KANK1: variants seen among roughly 807,000 people sequenced by gnomAD.
KANK1 encodes the protein KN motif and ankyrin repeat domains 1.
KANK1 carries 109 observed loss-of-function variants against 106.2 expected under a neutral mutation model. The ratio of observed to expected loss-of-function variants is 1.03; its 90% CI spans 0.88 to 1.20. The LOEUF is 1.20. Ranked by LOEUF, KANK1 falls within the 50% of genes most tolerant of loss-of-function variation. The probability of loss-of-function intolerance (pLI) is 0.00; values close to 1 mark genes in which losing one functional copy is unlikely to be tolerated. For synonymous variants in KANK1, 873 were observed against 652.2 expected (o/e 1.34, Z -5.16); for missense variants, 2,399 against 1,710.7 (o/e 1.40, Z -7.10).
chr9:590,681 A>G (rs1231581777), intron 1 of KANK1, among the ~76,000 whole-genome samples: 1 of 149,334 alleles, frequency 6.7e-6, no homozygotes, highest in East Asian at 1.9e-4. Context: ...AGATTCTTAA[A>G]TACAGAAATG....
chr9:529,704 A>G (rs1197514739), intron 1 of KANK1, among the ~76,000 whole-genome samples: 1 of 152,170 alleles, frequency 6.6e-6, no homozygotes, highest in Non-Finnish European at 1.5e-5. Flanking sequence ...ATTTTGTTTA[A>G]TCAGTTTCCT....
At chr9:558,384 A>G (rs1312604924) in intron 1 of KANK1, among the ~76,000 whole-genome samples, 2 of 152,246 alleles carry the variant, frequency 1.3e-5, no homozygotes, top group African/African-American at 2.4e-5. Flanking sequence ...GGGGAACAAT[A>G]CAGAGTTAGA....
At chr9:525,604 C>G (rs1465672435) in intron 1 of KANK1, among the ~76,000 whole-genome samples, 1 of 151,638 alleles carries the variant, frequency 6.6e-6, no homozygotes, top group Non-Finnish European at 1.5e-5. Flanking sequence ...TGGTCTCGAA[C>G]TCGTGGCCTC....
At chr9:626,242 T>A (rs1471151554) in intron 1 of KANK1, among the ~76,000 whole-genome samples, 1 of 152,054 alleles carries the variant, frequency 6.6e-6, no homozygotes, top group Non-Finnish European at 1.5e-5. Flanking sequence ...GGCAGGCAGA[T>A]CATCTGAGGT....
At chr9:605,300 CAAAAAA>C (rs34315668) in intron 1 of KANK1, among the ~76,000 whole-genome samples, 1 of 106,822 alleles carries the variant, frequency 9.4e-6, no homozygotes, top group Non-Finnish European at 1.8e-5. Context: ...GACTCCGTCT[CAAAAAA>C]AAAAAAAAAA....
chr9:713,457 A>G lies in KANK1; in HGVS notation c.2691A>G (p.Lys897=). 1 of 1,587,310 alleles carries G rather than the reference A, an allele frequency of 6.3e-7. No homozygotes were observed. The highest frequency in any genetic ancestry group is 8.6e-7 in the Non-Finnish European group (1 of 1,168,348). Residue 897 remains lysine, a synonymous_variant, in exon 3 of 12, where the codon AAA becomes AAG. Coordinates refer to ENST00000382297, the MANE Select transcript of KANK1 (RefSeq NM_015158.5). ...NPDFQKTSLG[K]ITGNYLGYTC... is the part of the protein sequence containing the mutation. ...ACTTCCAGAAAACCAGTCTGGGTAA[A>G]ATCACAGGTAGGTGGTACCCTGAGG... is the stretch of plus-strand genomic sequence containing the variant.
At chr9:567,824 T>C (rs1243286217) in intron 1 of KANK1, among the ~76,000 whole-genome samples, 1 of 152,192 alleles carries the variant, frequency 6.6e-6, no homozygotes. Context: ...AGTCTCTCAT[T>C]TGAGTACGTT....
intron 1 of KANK1, among the ~76,000 whole-genome samples, chr9:581,876 G>A (rs1051090773): frequency 6.6e-6 from 1 of 152,040 alleles, no homozygotes; most frequent in African/African-American, 2.4e-5. Flanking sequence ...CACACCTCAG[G>A]GTGCAGCCAG....
chr9:515,476 T>A (rs1301234832), intron 1 of KANK1, among the ~76,000 whole-genome samples: 2 of 151,838 alleles, frequency 1.3e-5, no homozygotes, highest in Non-Finnish European at 2.9e-5. Context: ...TTATGAGAGA[T>A]GTATTTCAAG....
chr9:668,468 T>G (rs766395404), intron 1 of KANK1, among the ~76,000 whole-genome samples: 6 of 152,202 alleles, frequency 3.9e-5, no homozygotes, highest in Non-Finnish European at 8.8e-5. Context: ...TAATGTCTCT[T>G]TGTTAAATTT....
At chr9:521,565 C>CTTTTTT (rs35143391) in intron 1 of KANK1, among the ~76,000 whole-genome samples, 1 of 118,798 alleles carries the variant, frequency 8.4e-6, no homozygotes, top group African/African-American at 3.2e-5. Flanking sequence ...CCTCCAGATT[C>CTTTTTT]TTTTTTTTTT....
chr9:642,050 A>G (rs1394748890), intron 1 of KANK1, among the ~76,000 whole-genome samples: 3 of 152,198 alleles, frequency 2.0e-5, no homozygotes, highest in Non-Finnish European at 4.4e-5. Context: ...GTCCATGGGT[A>G]TATTAAATAC....
chr9:683,259 G>A (rs993811000), intron 2 of KANK1, among the ~76,000 whole-genome samples: 2 of 152,296 alleles, frequency 1.3e-5, no homozygotes, highest in African/African-American at 4.8e-5. Flanking sequence ...TTTGCAGAAG[G>A]ATTAAAATGT....
chr9:591,832 T>C (rs1221822009), intron 1 of KANK1, among the ~76,000 whole-genome samples: 1 of 151,744 alleles, frequency 6.6e-6, no homozygotes, highest in East Asian at 1.9e-4. Flanking sequence ...CTAATTTTTG[T>C]ATTTTTAGTA....
chr9:591,489 C>T (rs1289009484), intron 1 of KANK1, among the ~76,000 whole-genome samples: 2 of 151,694 alleles, frequency 1.3e-5, no homozygotes, highest in Non-Finnish European at 2.9e-5. Flanking sequence ...TGTAAAGCCC[C>T]ACCTCTTGTC....
At chr9:710,193 C>T (rs932646103) in intron 2 of KANK1, among the ~76,000 whole-genome samples, 1 of 152,126 alleles carries the variant, frequency 6.6e-6, no homozygotes. Context: ...CATGTACTCC[C>T]TGAATCTAAC....
intron 1 of KANK1, among the ~76,000 whole-genome samples, chr9:608,828 G>C (rs578136713): frequency 1.1e-4 from 16 of 152,278 alleles, no homozygotes; most frequent in Middle Eastern, 3.4e-3. Flanking sequence ...TTCCAAGGGA[G>C]GTGAACTAAG....
chr9:677,183 C>G (rs543594535), intron 2 of KANK1, among the ~76,000 whole-genome samples, 174 bp downstream of exon 2: 2 of 152,268 alleles, frequency 1.3e-5, no homozygotes, highest in South Asian at 4.1e-4. Flanking sequence ...AGAAAATTTG[C>G]TTTTATCTTA....
intron 1 of KANK1, among the ~76,000 whole-genome samples, chr9:528,438 C>T: frequency 6.8e-6 from 1 of 147,828 alleles, no homozygotes; most frequent in Non-Finnish European, 1.5e-5. Flanking sequence ...TCAGCTTTAC[C>T]TTACAACCAT....
Sources: gnomAD v4.1 joint callset for allele counts (sites outside exome capture counted in the v4.1 genomes callset) on GRCh38, gnomAD v4.1.1 for gene constraint, MANE v1.5 for transcripts, NCBI Gene and HGNC (gene_info 2026-07-23, HGNC 2026-07-21) for gene names.